The following METTL16 variants were observed in gnomAD, a reference collection of about 807,000 sequenced individuals.
METTL16 encodes methyltransferase 16, RNA N6-adenosine.
In METTL16, 19 loss-of-function variants were observed where a neutral mutation model predicts 57.9. That is an observed-to-expected ratio of 0.33 (90% confidence interval 0.23 to 0.48). METTL16 has a LOEUF of 0.48. Ranked by LOEUF, METTL16 falls within the 20% of genes least tolerant of loss-of-function variation. The probability of loss-of-function intolerance (pLI) is 0.99; values close to 1 mark genes in which losing one functional copy is unlikely to be tolerated. For missense variants in METTL16, 434 were observed against 691.5 expected (o/e 0.63, Z 4.18); for synonymous variants, 246 against 255.6 (o/e 0.96, Z 0.36).
chr17:2,431,978 T>G (rs979572260), intron 8 of METTL16, among the ~76,000 whole-genome samples: 1 of 151,904 alleles, frequency 6.6e-6, no homozygotes, highest in African/African-American at 2.4e-5. Context: ...TGAGTCTTGC[T>G]CTGTCGCCCA....
chr17:2,459,435 C>T (rs765367583), intron 6 of METTL16, among the ~76,000 whole-genome samples: 4 of 152,194 alleles, frequency 2.6e-5, no homozygotes, highest in Non-Finnish European at 5.9e-5. Flanking sequence ...GAGACATGAA[C>T]CTCCCAGGGG....
intron 1 of METTL16, among the ~76,000 whole-genome samples, chr17:2,503,619 A>G (rs985830018): frequency 7.2e-5 from 11 of 152,136 alleles, no homozygotes; most frequent in African/African-American, 2.7e-4. Flanking sequence ...TACAATAAAT[A>G]TAGATTAACA....
intron 8 of METTL16, 136 bp from the exon 9 acceptor site, chr17:2,421,040 G>C: frequency 2.1e-6 from 2 of 967,464 alleles, no homozygotes; most frequent in South Asian, 1.6e-5. Flanking sequence ...AAAGGGTTTT[G>C]TGTGTGTTAT....
intron 7 of METTL16, among the ~76,000 whole-genome samples, chr17:2,438,940 T>C (rs1220384526): frequency 2.0e-5 from 3 of 152,144 alleles, no homozygotes; most frequent in Non-Finnish European, 4.4e-5. Context: ...AGAAATGGTA[T>C]TGTGAGGAAA....
At chr17:2,474,921 C>T (rs1346531350) in intron 3 of METTL16, among the ~76,000 whole-genome samples, 1 of 152,170 alleles carries the variant, frequency 6.6e-6, no homozygotes, top group Non-Finnish European at 1.5e-5. Context: ...CTCTCTCTCT[C>T]TCTCTCTCTT....
chr17:2,473,890 C>G (rs1215511777), intron 3 of METTL16, among the ~76,000 whole-genome samples: 1 of 152,100 alleles, frequency 6.6e-6, no homozygotes, highest in African/African-American at 2.4e-5. Flanking sequence ...AGGTGCATGC[C>G]ACCATGCCTG....
At chr17:2,443,086 T>C (rs2066965943) in intron 6 of METTL16, among the ~76,000 whole-genome samples, 1 of 152,140 alleles carries the variant, frequency 6.6e-6, no homozygotes, top group African/African-American at 2.4e-5. Flanking sequence ...ACTTCCGGGC[T>C]CAAGCGATTT....
At chr17:2,447,460 GC>G (rs1436027652) in intron 6 of METTL16, among the ~76,000 whole-genome samples, 3 of 109,774 alleles carry the variant, frequency 2.7e-5, no homozygotes, top group African/African-American at 4.2e-5. Flanking sequence ...GGGGGGGTCA[GC>G]CCCCCGCCCG....
At chr17:2,491,950 G>A (rs538233164) in intron 2 of METTL16, among the ~76,000 whole-genome samples, 7 of 147,688 alleles carry the variant, frequency 4.7e-5, no homozygotes, top group Admixed American at 3.4e-4. Context: ...GGTGGCTCAC[G>A]CCTGTAACCC....
chr17:2,445,654 C>A (rs2151552467), intron 6 of METTL16, among the ~76,000 whole-genome samples: 1 of 151,936 alleles, frequency 6.6e-6, no homozygotes, highest in Non-Finnish European at 1.5e-5. Context: ...GGTGTGGTGG[C>A]ACACACCTGT....
At chr17:2,446,179 CTG>C (rs150130555) in intron 6 of METTL16, among the ~76,000 whole-genome samples, 37 of 152,282 alleles carry the variant, frequency 2.4e-4, no homozygotes, top group African/African-American at 8.4e-4. Flanking sequence ...CCAAAAAACT[CTG>C]TAACAGCCAA....
In METTL16 at chr17:2,496,015, C is replaced by T. The variant is rs8068591; in HGVS notation, c.128+6189G>A. On this transcript the variant is annotated intron_variant, in intron 2 of 9. Coordinates refer to ENST00000263092, the MANE Select transcript of METTL16 (RefSeq NM_024086.4). ...ATCCCAGCTACTCAGGAGGCTGAGG[C>T]AGGAGAATTGCTTGTACCTGGGAGC... 1.9e-3 allele frequency among the ~76,000 whole-genome samples: 286 copies of T among 151,572 alleles called. 15 individuals are homozygous for T. The highest frequency in any genetic ancestry group is 6.7e-3 in the African/African-American group (274 of 40,952).
intron 2 of METTL16, among the ~76,000 whole-genome samples, chr17:2,486,828 T>A (rs1415900232): frequency 6.6e-6 from 1 of 150,774 alleles, no homozygotes; most frequent in East Asian, 2.0e-4. Flanking sequence ...CAAAAATTAG[T>A]CAGTGTGGTG....
chr17:2,434,350 G>A (rs1344818315), intron 8 of METTL16, among the ~76,000 whole-genome samples: 1 of 152,130 alleles, frequency 6.6e-6, no homozygotes, highest in East Asian at 1.9e-4. Context: ...CAGTAGCTGG[G>A]ATTACAGGTG....
intron 2 of METTL16, among the ~76,000 whole-genome samples, chr17:2,484,073 GA>G (rs1024229454): frequency 6.6e-6 from 1 of 152,062 alleles, no homozygotes; most frequent in East Asian, 1.9e-4. Flanking sequence ...AATTTGAGGA[GA>G]AAAAAGTTTT....
Position 2,464,949 on chromosome 17 carries a change from C to A in METTL16, c.586-599G>T, listed in dbSNP as rs563248566. ...AATTGGACTTCATCCGAATTAAAAA[C>A]TTCTGAGCTGCAAAGGGCACCGTCA... On this transcript the variant is annotated intron_variant, in intron 5 of 9. Transcript: ENST00000263092. Among the ~76,000 whole-genome samples, 3 of 152,300 alleles carry A rather than the reference C, an allele frequency of 2.0e-5. No homozygotes were observed. In the South Asian group the frequency reaches 6.2e-4, roughly 32 times the overall value.
chr17:2,500,676 T>C (rs1597473631), intron 2 of METTL16, among the ~76,000 whole-genome samples: 1 of 152,332 alleles, frequency 6.6e-6, no homozygotes, highest in East Asian at 1.9e-4. Flanking sequence ...AGGCTGGGAA[T>C]TTCCAATTCC....
intron 6 of METTL16, among the ~76,000 whole-genome samples, chr17:2,446,814 C>T (rs541709825): frequency 6.6e-6 from 1 of 152,168 alleles, no homozygotes; most frequent in African/African-American, 2.4e-5. Flanking sequence ...AGCTCCTAGC[C>T]GTGAGTGATC....
chr17:2,449,160 A>G (rs1404208785), intron 6 of METTL16, among the ~76,000 whole-genome samples: 1 of 152,212 alleles, frequency 6.6e-6, no homozygotes, highest in East Asian at 1.9e-4. Flanking sequence ...TTAGGAATAA[A>G]GTTCGTATAA....
Sources: allele counts gnomAD v4.1 joint callset (sites outside exome capture counted in the v4.1 genomes callset), GRCh38; gene constraint gnomAD v4.1.1; transcripts MANE v1.5; gene names NCBI Gene and HGNC (gene_info 2026-07-23, HGNC 2026-07-21).